ASB4: variants seen among roughly 807,000 people sequenced by gnomAD.
The protein encoded by ASB4 is ankyrin repeat and SOCS box containing 4, also known as ankyrin repeat and SOCS box protein 4.
Under a neutral mutation model 38.6 loss-of-function variants are expected in ASB4, and 35 were observed. That is an observed-to-expected ratio of 0.91 (90% CI 0.69 to 1.20). The LOEUF (loss-of-function observed/expected upper bound fraction) is 1.20, where lower values mean the gene tolerates loss of function less well. ASB4 is among the 50% of genes most tolerant of loss of function. The pLI is 0.00. For missense variants in ASB4, 557 were observed against 527.2 expected, an observed-to-expected ratio of 1.06 and a Z score of -0.55; for synonymous variants, 195 against 201.3, an observed-to-expected ratio of 0.97 and a Z score of 0.26.
intron 2 of ASB4, among the ~76,000 whole-genome samples, chr7:95,515,322 T>C (rs1347615929): frequency 7.2e-6 from 1 of 139,274 alleles, no homozygotes; most frequent in Non-Finnish European, 1.6e-5. Context: ...TCTTTCTTCC[T>C]TCCTTCCTTC....
intron 1 of ASB4, among the ~76,000 whole-genome samples, chr7:95,480,583 C>T (rs1237833648): frequency 6.6e-6 from 1 of 152,158 alleles, no homozygotes; most frequent in African/African-American, 2.4e-5. Context: ...TGTGAGGATA[C>T]TCAAGCAGCC....
At chr7:95,502,395 G>A (rs911619114) in intron 2 of ASB4, among the ~76,000 whole-genome samples, 4 of 151,316 alleles carry the variant, frequency 2.6e-5, no homozygotes, top group South Asian at 2.1e-4. Flanking sequence ...AGCCTGCGGG[G>A]GGGGGGCAAA....
upstream of ASB4, among the ~76,000 whole-genome samples, chr7:95,476,398 A>T (rs754371535): frequency 1.3e-5 from 2 of 151,534 alleles, no homozygotes; most frequent in African/African-American, 2.4e-5. Context: ...TTTTATATTT[A>T]AAAAAAAATT....
chr7:95,536,203 A>C lies in ASB4; in HGVS notation c.979-234A>C, dbSNP rs551621502. Among the ~76,000 whole-genome samples the C allele has an allele frequency of 3.3e-5, 5 of 152,126 alleles. No individual in the cohort carries two copies. In the East Asian group the frequency reaches 7.7e-4, roughly 24 times the overall value. Reference sequence around the variant, plus strand: ...ATCGTTTTAGCATTCCAGGGAGCTTAATAGGTCTGTGGGTTCTGGTTTTTT... The same window carrying C: ...ATCGTTTTAGCATTCCAGGGAGCTTCATAGGTCTGTGGGTTCTGGTTTTTT... On this transcript the variant is annotated intron_variant, in intron 3 of 4. Coordinates refer to ENST00000325885, the MANE Select transcript of ASB4 (RefSeq NM_016116.3).
intron 2 of ASB4, among the ~76,000 whole-genome samples, chr7:95,509,716 A>C (rs1790455426): frequency 6.6e-6 from 1 of 152,160 alleles, no homozygotes; most frequent in Non-Finnish European, 1.5e-5. Flanking sequence ...GAAGGGGAAA[A>C]CTGAAAGGAA....
intron 2 of ASB4, among the ~76,000 whole-genome samples, chr7:95,518,275 G>T (rs1790611975): frequency 6.6e-6 from 1 of 152,206 alleles, no homozygotes. Context: ...ATGAACAAAA[G>T]AAATAAGAGT....
chr7:95,528,012 G>C lies in ASB4; in HGVS notation c.687G>C (p.Thr229=). 6.2e-7 allele frequency: 1 copy of C among 1,614,100 alleles called. No homozygotes were observed. Among genetic ancestry groups the C allele is most frequent in the Non-Finnish European group, 8.5e-7 (1 of 1,180,034 alleles). Residue 229 remains threonine, a synonymous_variant, in exon 3 of 5, where the codon ACG becomes ACC. Coordinates refer to ENST00000325885, the MANE Select transcript of ASB4 (RefSeq NM_016116.3). Reference sequence around the variant, plus strand: ...GCTTTAAGGAGCAGGAGTACAGCACGGAGCACCACCTGGTCTGCCGCATGC... The same window carrying C: ...GCTTTAAGGAGCAGGAGTACAGCACCGAGCACCACCTGGTCTGCCGCATGC... The part of the protein sequence containing the change: ...ALRFKEQEYS[T]EHHLVCRMLL...
rs546087938 is a variant in ASB4, at chr7:95,538,050, T to G, written c.*291T>G. ...ACCTGAAATATTTTTGTAAAACTTCTTATATCTTATCTCATCTGAAATGGG... is the reference window on the plus strand; with the variant it reads ...ACCTGAAATATTTTTGTAAAACTTCGTATATCTTATCTCATCTGAAATGGG... On this transcript the variant is annotated 3_prime_UTR_variant, in exon 5 of 5. Coordinates refer to ENST00000325885, the MANE Select transcript of ASB4 (RefSeq NM_016116.3). The G allele has an allele frequency of 3.8e-6, 1 of 259,754 alleles. No homozygotes were observed. 16.1% of individuals were successfully genotyped at this position (259,754 alleles called of 1,614,324 possible). A position where few individuals can be genotyped will look rare whatever the true frequency, so the allele number is the denominator to read the frequency against.
chr7:95,515,304 TCTTTCTTTCTTTCTTC>T (rs1451176406), intron 2 of ASB4, among the ~76,000 whole-genome samples: 20 of 125,626 alleles, frequency 1.6e-4, no homozygotes, highest in African/African-American at 5.6e-4. Flanking sequence ...TTTCTTTCTT[TCTTTCTTTCTTTCTTC>T]CTTCCTTCCT....
intron 2 of ASB4, among the ~76,000 whole-genome samples, chr7:95,515,197 CTT>C (rs757486988): frequency 1.2e-4 from 15 of 127,686 alleles, no homozygotes; most frequent in Admixed American, 4.5e-4. Context: ...TTCTTTCTTT[CTT>C]TCTTTCTTTC....
upstream of ASB4, among the ~76,000 whole-genome samples, chr7:95,483,467 G>A (rs1358375975): frequency 2.0e-5 from 3 of 152,196 alleles, no homozygotes; most frequent in East Asian, 5.8e-4. Context: ...TAAAGAGACT[G>A]CTAAATATTT....
chr7:95,533,534 T>C (rs576266766), intron 3 of ASB4, among the ~76,000 whole-genome samples: 2 of 152,224 alleles, frequency 1.3e-5, no homozygotes, highest in Non-Finnish European at 2.9e-5. Context: ...TCTGCTGGTA[T>C]TTAATCTGTC....
chr7:95,544,611 C>T (rs1727972645), downstream of ASB4: 2 of 152,136 alleles, frequency 1.3e-5, no homozygotes, highest in African/African-American at 4.8e-5. Flanking sequence ...TTTCTTAATT[C>T]AAGTGTCAAT....
At chr7:95,478,051 C>A (rs1418572947), upstream of ASB4, among the ~76,000 whole-genome samples, 1 of 152,152 alleles carries the variant, frequency 6.6e-6, no homozygotes, top group Admixed American at 6.5e-5. Context: ...TTATTGGCTT[C>A]TGACAACTGT....
intron 2 of ASB4, among the ~76,000 whole-genome samples, chr7:95,503,807 C>G (rs969937410): frequency 1.3e-5 from 2 of 152,106 alleles, no homozygotes; most frequent in Non-Finnish European, 2.9e-5. Context: ...ATTTAATGGG[C>G]TCTTTGTGGA....
At chr7:95,542,327 T>C (rs564899137), downstream of ASB4, 1 of 152,198 alleles carries the variant, frequency 6.6e-6, no homozygotes, top group South Asian at 2.1e-4. Context: ...AACCTACATT[T>C]CAGTGATAAG....
intron 3 of ASB4, among the ~76,000 whole-genome samples, chr7:95,534,119 C>T (rs985055451): frequency 3.3e-5 from 5 of 152,090 alleles, no homozygotes; most frequent in African/African-American, 9.7e-5. Context: ...CCTAGGCGGG[C>T]GGATTACTGG....
chr7:95,518,107 T>C (rs1790609819), intron 2 of ASB4, among the ~76,000 whole-genome samples: 1 of 152,208 alleles, frequency 6.6e-6, no homozygotes. Context: ...AGCATTTCTG[T>C]TTGTTTTACC....
chr7:95,532,353 G>T (rs1215649358), intron 3 of ASB4, among the ~76,000 whole-genome samples: 1 of 152,114 alleles, frequency 6.6e-6, no homozygotes, highest in Non-Finnish European at 1.5e-5. Context: ...GGGGAAAAAA[G>T]AATTATAGGG....
Sources: allele counts gnomAD v4.1 joint callset (sites outside exome capture counted in the v4.1 genomes callset), GRCh38; gene constraint gnomAD v4.1.1; transcripts MANE v1.5; gene names NCBI Gene and HGNC (gene_info 2026-07-23, HGNC 2026-07-21).